Variants in KHDRBS2 observed in about 807,000 individuals in gnomAD.
KHDRBS2 encodes the protein KH RNA binding domain containing, signal transduction associated 2, also known as KH domain-containing, RNA-binding, signal transduction-associated protein 2.
KHDRBS2 carries 26 observed loss-of-function variants against 44.3 expected under a neutral mutation model. The observed-to-expected ratio is 0.59, with a 90% CI of 0.43 to 0.81. KHDRBS2 has a LOEUF of 0.81. Among genes scored for constraint, KHDRBS2 ranks in the 40% least tolerant of loss-of-function variants. The pLI is 0.00. For missense variants in KHDRBS2, 476 were observed against 433.1 expected, an observed-to-expected ratio of 1.10 and a Z score of -0.88; for synonymous variants, 194 against 151.1, an observed-to-expected ratio of 1.28 and a Z score of -2.08.
chr6:62,277,352 T>A (rs1301593218), intron 1 of KHDRBS2, among the ~76,000 whole-genome samples: 1 of 152,072 alleles, frequency 6.6e-6, no homozygotes, highest in Non-Finnish European at 1.5e-5. Flanking sequence ...TTGTTTTGTT[T>A]TGTTTTTGAG....
intron 6 of KHDRBS2, among the ~76,000 whole-genome samples, chr6:61,887,526 A>G (rs1583337113): frequency 6.6e-6 from 1 of 152,218 alleles, no homozygotes; most frequent in African/African-American, 2.4e-5. Context: ...GCTAACACTA[A>G]TGATGGGTTT....
At chr6:61,913,365 AC>A (rs1309375365) in intron 4 of KHDRBS2, among the ~76,000 whole-genome samples, 1 of 151,984 alleles carries the variant, frequency 6.6e-6, no homozygotes, top group Non-Finnish European at 1.5e-5. Context: ...ACAAGCTCAT[AC>A]TGCTCAGCAC....
At chr6:61,745,553 T>G (rs1471250998) in intron 6 of KHDRBS2, among the ~76,000 whole-genome samples, 1 of 152,136 alleles carries the variant, frequency 6.6e-6, no homozygotes, top group African/African-American at 2.4e-5. Flanking sequence ...GTGGCATAAG[T>G]CTCTAACGCC....
intron 1 of KHDRBS2, among the ~76,000 whole-genome samples, chr6:62,280,951 T>C (rs190947336): frequency 1.9e-3 from 295 of 152,082 alleles, no homozygotes; most frequent in African/African-American, 6.7e-3. Context: ...TGGTAGGAGG[T>C]TGAGGAATAG....
chr6:61,812,903 T>C (rs1788353296), intron 6 of KHDRBS2, among the ~76,000 whole-genome samples: 2 of 152,082 alleles, frequency 1.3e-5, no homozygotes, highest in South Asian at 4.1e-4. Flanking sequence ...CATTTATATG[T>C]ATATAGTTGT....
At chr6:61,781,188 C>A (rs1782871611) in intron 6 of KHDRBS2, among the ~76,000 whole-genome samples, 1 of 152,088 alleles carries the variant, frequency 6.6e-6, no homozygotes, top group South Asian at 2.1e-4. Context: ...ATTTTATCTC[C>A]AAATGCCACA....
chr6:62,082,234 T>C (rs1797534946), intron 2 of KHDRBS2, among the ~76,000 whole-genome samples: 1 of 151,798 alleles, frequency 6.6e-6, no homozygotes, highest in Admixed American at 6.6e-5. Context: ...TGATTAAAGA[T>C]TATTAAAACC....
At chr6:62,243,178 C>A (rs530597718) in intron 1 of KHDRBS2, among the ~76,000 whole-genome samples, 1 of 151,900 alleles carries the variant, frequency 6.6e-6, no homozygotes, top group Non-Finnish European at 1.5e-5. Context: ...ACACACACTA[C>A]ATATATATAT....
the KHDRBS2 span, among the ~76,000 whole-genome samples, chr6:61,576,711 T>G: frequency 2.0e-5 from 3 of 152,272 alleles, no homozygotes; most frequent in African/African-American, 7.2e-5. Flanking sequence ...TTCGATAAAT[T>G]TTAACTCAAG....
At chr6:62,108,888 T>C (rs375207605) in intron 2 of KHDRBS2, among the ~76,000 whole-genome samples, 4 of 151,984 alleles carry the variant, frequency 2.6e-5, no homozygotes, top group African/African-American at 7.3e-5. Flanking sequence ...TAGGTGGGAA[T>C]TGAACAATGA....
At chr6:61,575,232 T>TCCAG in the KHDRBS2 span, among the ~76,000 whole-genome samples, 1 of 152,168 alleles carries the variant, frequency 6.6e-6, no homozygotes, top group Non-Finnish European at 1.5e-5. Context: ...AAGACTAATG[T>TCCAG]CCAGACTCTA....
chr6:62,090,543 TG>T (rs1357869853), intron 2 of KHDRBS2, among the ~76,000 whole-genome samples: 1 of 151,738 alleles, frequency 6.6e-6, no homozygotes, highest in Non-Finnish European at 1.5e-5. Context: ...TAACACCTAG[TG>T]GTTATAGGAA....
the KHDRBS2 span, among the ~76,000 whole-genome samples, chr6:61,578,221 G>A: frequency 6.6e-6 from 1 of 152,058 alleles, no homozygotes; most frequent in Non-Finnish European, 1.5e-5. Flanking sequence ...AATTACTTTT[G>A]CACCAACCTA....
chr6:62,173,862 T>A (rs1463010033), intron 2 of KHDRBS2, among the ~76,000 whole-genome samples: 2 of 151,846 alleles, frequency 1.3e-5, no homozygotes, highest in Non-Finnish European at 1.5e-5. Context: ...AAATTCAACA[T>A]CCCTTCATGT....
At chr6:62,059,466 C>A (rs987811703) in intron 2 of KHDRBS2, among the ~76,000 whole-genome samples, 13 of 150,990 alleles carry the variant, frequency 8.6e-5, no homozygotes, top group African/African-American at 2.9e-4. Flanking sequence ...GAGACTGAAG[C>A]AATATCCTCA....
intron 3 of KHDRBS2, among the ~76,000 whole-genome samples, chr6:61,995,045 GACAAC>G (rs1776909716): frequency 6.6e-6 from 1 of 152,060 alleles, no homozygotes; most frequent in African/African-American, 2.4e-5. Context: ...AGAAGATGTA[GACAAC>G]TATATAGGGC....
At chr6:62,089,268 CAAAAAAAA>C (rs34948262) in intron 2 of KHDRBS2, among the ~76,000 whole-genome samples, 39 of 111,938 alleles carry the variant, frequency 3.5e-4, no homozygotes, top group African/African-American at 1.3e-3. Context: ...CACTGGGTTA[CAAAAAAAA>C]AAAAAAAAAA....
intron 3 of KHDRBS2, among the ~76,000 whole-genome samples, chr6:62,018,683 A>T (rs535436814): frequency 6.6e-6 from 1 of 152,298 alleles, no homozygotes; most frequent in African/African-American, 2.4e-5. Context: ...CTATCCCAGG[A>T]TACCAACAGA....
chr6:61,787,456 G>A (rs547506823), intron 6 of KHDRBS2, among the ~76,000 whole-genome samples: 16 of 151,612 alleles, frequency 1.1e-4, no homozygotes, highest in South Asian at 2.1e-4. Flanking sequence ...TATCTCTTGC[G>A]GTTTTTCATC....
Sources: allele counts gnomAD v4.1 joint callset (sites outside exome capture counted in the v4.1 genomes callset), GRCh38; gene constraint gnomAD v4.1.1; transcripts MANE v1.5; gene names NCBI Gene and HGNC (gene_info 2026-07-23, HGNC 2026-07-21).